Variants in CLSTN2 observed in about 807,000 individuals in gnomAD.
The protein encoded by CLSTN2 is calsyntenin 2.
CLSTN2 carries 48 observed loss-of-function variants against 101.2 expected under a neutral mutation model. That is an observed-to-expected ratio of 0.47 (90% CI 0.38 to 0.60). The LOEUF is 0.60. Ranked by LOEUF, CLSTN2 falls within the 20% of genes least tolerant of loss-of-function variation. The probability of loss-of-function intolerance (pLI) is 0.00; values close to 1 mark genes in which losing one functional copy is unlikely to be tolerated. For missense variants in CLSTN2, 1,160 were observed against 1,238.2 expected, an observed-to-expected ratio of 0.94 and a Z score of 0.95; for synonymous variants, 481 against 463.6, an observed-to-expected ratio of 1.04 and a Z score of -0.48.
intron 1 of CLSTN2, among the ~76,000 whole-genome samples, chr3:139,977,995 G>C (rs1267946856): frequency 6.6e-6 from 1 of 152,122 alleles, no homozygotes; most frequent in Non-Finnish European, 1.5e-5. Flanking sequence ...CACTGGGAGG[G>C]GCTGGCTCTG....
chr3:140,205,068 T>G (rs999695466), intron 2 of CLSTN2, among the ~76,000 whole-genome samples: 1 of 152,188 alleles, frequency 6.6e-6, no homozygotes, highest in East Asian at 1.9e-4. Context: ...AGGCATTTTC[T>G]GTAAGTTACG....
At position 140,568,149 on chromosome 3, in the gene CLSTN2, C is replaced by CTACT. The variant is rs1438334240; in HGVS notation, c.*1899_*1902dup. On this transcript the variant is annotated 3_prime_UTR_variant, in exon 17 of 17. Transcript: ENST00000458420. ...CAACTTCCACTCCTGGTGCAGGATTCTACTTATGTTCATAGGTATGCACCT... is the reference window on the plus strand; with the variant it reads ...CAACTTCCACTCCTGGTGCAGGATTCTACTTACTTATGTTCATAGGTATGCACCT... 3.3e-5 allele frequency: 5 copies of CTACT among 152,222 alleles called. No homozygotes were observed. Among genetic ancestry groups the CTACT allele is most frequent in the African/African-American group, 1.2e-4 (5 of 41,440 alleles). The allele number at this position is 152,222 out of a possible 1,614,324, so 9.4% of individuals were successfully genotyped here. A position where few individuals can be genotyped will look rare whatever the true frequency, so the allele number is the denominator to read the frequency against.
chr3:140,536,051 A>G (rs1935352879), intron 9 of CLSTN2, among the ~76,000 whole-genome samples: 1 of 152,096 alleles, frequency 6.6e-6, no homozygotes, highest in Non-Finnish European at 1.5e-5. Context: ...CGTTCCCCTT[A>G]CTAATCTTTT....
At chr3:140,463,462 G>A (rs1357581282) in intron 7 of CLSTN2, among the ~76,000 whole-genome samples, 1 of 152,168 alleles carries the variant, frequency 6.6e-6, no homozygotes. Flanking sequence ...ACTTACAGAG[G>A]TACCCAGAAA....
chr3:140,399,670 C>A (rs778799429), intron 2 of CLSTN2, among the ~76,000 whole-genome samples: 9 of 152,172 alleles, frequency 5.9e-5, no homozygotes, highest in Non-Finnish European at 1.2e-4. Flanking sequence ...AAATACTACA[C>A]AAAACAAACT....
At chr3:140,018,915 T>G (rs1196724592) in intron 1 of CLSTN2, among the ~76,000 whole-genome samples, 1 of 152,248 alleles carries the variant, frequency 6.6e-6, no homozygotes, top group African/African-American at 2.4e-5. Flanking sequence ...ACTGATTTGA[T>G]CCGCAGCACA....
chr3:140,001,079 C>T (rs1011416219), intron 1 of CLSTN2, among the ~76,000 whole-genome samples: 1 of 152,196 alleles, frequency 6.6e-6, no homozygotes, highest in East Asian at 1.9e-4. Flanking sequence ...CCATATTGTA[C>T]ATGCGGAAAT....
At chr3:140,434,942 A>C (rs1352885468) in intron 5 of CLSTN2, among the ~76,000 whole-genome samples, 2 of 152,134 alleles carry the variant, frequency 1.3e-5, no homozygotes, top group African/African-American at 4.8e-5. Flanking sequence ...TTGTGGGTAC[A>C]TAGTAGGTGT....
intron 1 of CLSTN2, among the ~76,000 whole-genome samples, chr3:140,078,822 G>A (rs2008538589): frequency 6.6e-6 from 1 of 152,162 alleles, no homozygotes; most frequent in East Asian, 1.9e-4. Flanking sequence ...AAGTTTATGA[G>A]TTAGTGAATA....
intron 1 of CLSTN2, among the ~76,000 whole-genome samples, chr3:140,025,866 A>G (rs964226998): frequency 2.6e-5 from 4 of 152,166 alleles, no homozygotes; most frequent in African/African-American, 9.7e-5. Context: ...CACTGGGGCC[A>G]TGTAATGAAA....
chr3:140,312,869 G>A (rs965028745), intron 2 of CLSTN2, among the ~76,000 whole-genome samples: 1 of 152,198 alleles, frequency 6.6e-6, no homozygotes, highest in East Asian at 1.9e-4. Flanking sequence ...ACCTTTAAAG[G>A]GTTGACATTT....
intron 2 of CLSTN2, among the ~76,000 whole-genome samples, chr3:140,290,884 GC>G (rs1208800966): frequency 6.6e-6 from 1 of 152,040 alleles, no homozygotes; most frequent in Non-Finnish European, 1.5e-5. Context: ...GCCTTTCAGG[GC>G]TAATTTTTCA....
At chr3:140,495,490 G>C (rs1250952895) in intron 8 of CLSTN2, among the ~76,000 whole-genome samples, 1 of 151,950 alleles carries the variant, frequency 6.6e-6, no homozygotes, top group African/African-American at 2.4e-5. Context: ...GTCAATTTTT[G>C]CTTTTGTTGC....
chr3:140,358,019 C>T (rs2087691722), intron 2 of CLSTN2, among the ~76,000 whole-genome samples: 1 of 152,176 alleles, frequency 6.6e-6, no homozygotes, highest in Admixed American at 6.5e-5. Flanking sequence ...GGAGGCTACT[C>T]ATGTCACATG....
chr3:140,172,694 C>T (rs552017542), intron 1 of CLSTN2, among the ~76,000 whole-genome samples: 1 of 152,256 alleles, frequency 6.6e-6, no homozygotes, highest in African/African-American at 2.4e-5. Context: ...CTGGGGAAGC[C>T]TCACAATAAT....
chr3:139,985,740 A>AGT (rs1343790349), intron 1 of CLSTN2, among the ~76,000 whole-genome samples: 1 of 152,092 alleles, frequency 6.6e-6, no homozygotes, highest in Non-Finnish European at 1.5e-5. Context: ...ATGCCTTTGG[A>AGT]GTGTGTATTC....
chr3:140,481,304 A>G (rs747246749), intron 8 of CLSTN2, among the ~76,000 whole-genome samples: 16 of 152,162 alleles, frequency 1.1e-4, no homozygotes, highest in Non-Finnish European at 1.8e-4. Flanking sequence ...CCATTGGTCT[A>G]TATCTCTGTT....
intron 2 of CLSTN2, among the ~76,000 whole-genome samples, chr3:140,236,970 T>A (rs961848310): frequency 4.6e-5 from 7 of 152,030 alleles, no homozygotes; most frequent in African/African-American, 1.7e-4. Flanking sequence ...ATTAATTACA[T>A]TATCTGTGTC....
intron 1 of CLSTN2, among the ~76,000 whole-genome samples, chr3:139,973,020 A>G (rs1412430397): frequency 6.6e-6 from 1 of 152,248 alleles, no homozygotes. Context: ...TATGGATGAA[A>G]TGTTGGATAA....
Sources: allele counts gnomAD v4.1 joint callset (sites outside exome capture counted in the v4.1 genomes callset), GRCh38; gene constraint gnomAD v4.1.1; transcripts MANE v1.5; gene names NCBI Gene and HGNC (gene_info 2026-07-23, HGNC 2026-07-21).